The following PHF24 variants were observed in gnomAD, a reference collection of about 807,000 sequenced individuals.
PHF24 encodes PHD finger protein 24.
PHF24 carries 25 observed loss-of-function variants against 42.6 expected under a neutral mutation model. That is an observed-to-expected ratio of 0.59 (90% CI 0.43 to 0.82). PHF24 has a LOEUF of 0.82. Among genes scored for constraint, PHF24 ranks in the 40% least tolerant of loss-of-function variants. PHF24 has a pLI of 0.00. For missense variants in PHF24, 470 were observed against 538.1 expected, an observed-to-expected ratio of 0.87 and a Z score of 1.25; for synonymous variants, 185 against 204.8, an observed-to-expected ratio of 0.90 and a Z score of 0.83.
the PHF24 span, among the ~76,000 whole-genome samples, chr9:34,880,467 A>G: frequency 6.6e-6 from 1 of 152,322 alleles, no homozygotes; most frequent in Middle Eastern, 3.4e-3. Context: ...AACCCATCTC[A>G]TGTGCAGAGA....
chr9:34,927,955 G>T, the PHF24 span, among the ~76,000 whole-genome samples: 1 of 152,124 alleles, frequency 6.6e-6, no homozygotes, highest in Non-Finnish European at 1.5e-5. Context: ...GGGAGCTGGG[G>T]GGAGGTGGGG....
chr9:34,808,749 TA>T, the PHF24 span, among the ~76,000 whole-genome samples: 2 of 151,944 alleles, frequency 1.3e-5, no homozygotes, highest in Middle Eastern at 6.8e-3. Flanking sequence ...AAGCCCTTTT[TA>T]AAAGGCATTA....
the PHF24 span, chr9:34,709,260 AAG>A: frequency 9.2e-7 from 1 of 1,082,462 alleles, no homozygotes; most frequent in Non-Finnish European, 1.4e-6. Flanking sequence ...AAGCAGGAGA[AAG>A]AGTGTGGCAA....
chr9:34,728,375 A>T, the PHF24 span, among the ~76,000 whole-genome samples: 1 of 152,274 alleles, frequency 6.6e-6, no homozygotes, highest in African/African-American at 2.4e-5. Context: ...CTAGTAAGTT[A>T]TACAATTAAG....
At chr9:34,668,817 G>A in the PHF24 span, among the ~76,000 whole-genome samples, 12 of 152,268 alleles carry the variant, frequency 7.9e-5, no homozygotes, top group African/African-American at 2.9e-4. Flanking sequence ...CACAGGTGCA[G>A]GACAATAGAC....
At chr9:34,841,853 G>T in the PHF24 span, among the ~76,000 whole-genome samples, 2 of 152,110 alleles carry the variant, frequency 1.3e-5, no homozygotes, top group Non-Finnish European at 2.9e-5. Flanking sequence ...GTGAGACTCC[G>T]TCTCAAAAAA....
chr9:34,666,981 G>A, the PHF24 span, among the ~76,000 whole-genome samples: 4 of 152,140 alleles, frequency 2.6e-5, no homozygotes, highest in Non-Finnish European at 5.9e-5. Flanking sequence ...AAACAAGACA[G>A]GCACCTTGTC....
At chr9:34,700,091 G>A in the PHF24 span, among the ~76,000 whole-genome samples, 27 of 152,306 alleles carry the variant, frequency 1.8e-4, 1 homozygote, top group African/African-American at 6.3e-4. Context: ...AGGGCAAAGA[G>A]TCAAGAGTGT....
chr9:34,689,069 G>A, the PHF24 span, among the ~76,000 whole-genome samples: 2 of 152,206 alleles, frequency 1.3e-5, no homozygotes, highest in Non-Finnish European at 2.9e-5. The surrounding 1 kb of genome is among the most constrained non-coding windows in gnomAD (Gnocchi z 4.1). Context: ...AGAGAGAAGA[G>A]TGTGCCAGAC....
chr9:34,701,093 C>T, the PHF24 span, among the ~76,000 whole-genome samples: 495 of 152,284 alleles, frequency 3.3e-3, 4 homozygotes, highest in Middle Eastern at 6.8e-3. The surrounding 1 kb of genome is among the most constrained non-coding windows in gnomAD (Gnocchi z 5.8). Context: ...TCCTGGGAAT[C>T]TTGTTCCAGC....
chr9:34,813,137 T>C, the PHF24 span, among the ~76,000 whole-genome samples: 2 of 152,180 alleles, frequency 1.3e-5, no homozygotes, highest in South Asian at 4.1e-4. Context: ...TAGGATGAGC[T>C]GAGGGTGATG....
chr9:34,741,341 C>A, the PHF24 span, among the ~76,000 whole-genome samples: 2 of 151,890 alleles, frequency 1.3e-5, no homozygotes, highest in East Asian at 3.9e-4. Flanking sequence ...GGCAGTATTT[C>A]TTTTCTTTTC....
the PHF24 span, among the ~76,000 whole-genome samples, chr9:34,670,961 T>G: frequency 6.6e-6 from 1 of 152,188 alleles, no homozygotes; most frequent in Non-Finnish European, 1.5e-5. Flanking sequence ...CCATCTGAGA[T>G]CCATTCCTCC....
the PHF24 span, among the ~76,000 whole-genome samples, chr9:34,695,658 C>T: frequency 6.6e-6 from 1 of 152,110 alleles, no homozygotes; most frequent in South Asian, 2.1e-4. Flanking sequence ...CAGAATTGAA[C>T]TGAATTAGGG....
the PHF24 span, chr9:34,726,455 G>C: frequency 6.4e-7 from 1 of 1,551,270 alleles, no homozygotes; most frequent in Non-Finnish European, 8.7e-7. Context: ...TGGGTTCAGG[G>C]ACAGCAAGGA....
At chr9:34,779,618 C>T in the PHF24 span, among the ~76,000 whole-genome samples, 1 of 152,164 alleles carries the variant, frequency 6.6e-6, no homozygotes, top group African/African-American at 2.4e-5. Flanking sequence ...ATACTTACTA[C>T]AATTCTACAG....
At chr9:34,857,083 A>G in the PHF24 span, among the ~76,000 whole-genome samples, 1 of 152,152 alleles carries the variant, frequency 6.6e-6, no homozygotes, top group Non-Finnish European at 1.5e-5. Context: ...ACTCCTCCCC[A>G]TCCCTGGTGC....
At chr9:34,675,565 G>T in the PHF24 span, among the ~76,000 whole-genome samples, 45 of 152,320 alleles carry the variant, frequency 3.0e-4, no homozygotes, top group African/African-American at 1.0e-3. Context: ...ACATTGCACA[G>T]AACTTCTGGA....
the PHF24 span, chr9:34,723,506 G>C: frequency 6.4e-7 from 1 of 1,551,820 alleles, no homozygotes. Context: ...TTCTTTTCTG[G>C]TTTTGGCCAC....
Sources: gnomAD v4.1 joint callset for allele counts (sites outside exome capture counted in the v4.1 genomes callset) on GRCh38, gnomAD v4.1.1 for gene constraint, Gnocchi (gnomAD v3.1) non-coding constraint, MANE v1.5 for transcripts, NCBI Gene and HGNC (gene_info 2026-07-23, HGNC 2026-07-21) for gene names.